ABCC6: variants seen among roughly 807,000 people sequenced by gnomAD.
The protein encoded by ABCC6 is ATP binding cassette subfamily C member 6.
A neutral mutation model predicts 169.5 loss-of-function variants in ABCC6; 126 were observed. The ratio of observed to expected loss-of-function variants is 0.74; its 90% CI spans 0.64 to 0.86. The LOEUF (loss-of-function observed/expected upper bound fraction) is 0.86. Ranked by LOEUF, ABCC6 falls within the 40% of genes least tolerant of loss-of-function variation. The pLI, the probability that ABCC6 is intolerant of heterozygous loss-of-function variation, is 0.00. For synonymous variants in ABCC6, 752 were observed against 814.7 expected, an observed-to-expected ratio of 0.92 and a Z score of 1.31; for missense variants, 1,733 against 1,927.2, an observed-to-expected ratio of 0.90 and a Z score of 1.89.
intron 9 of ABCC6, among the ~76,000 whole-genome samples, chr16:16,199,697 C>T (rs1275335593): frequency 7.7e-6 from 1 of 129,246 alleles, no homozygotes; most frequent in African/African-American, 2.6e-5. Flanking sequence ...ACTGAAAATA[C>T]AGCTGTGAAC....
In ABCC6 at chr16:16,159,480, A is replaced by C. The variant is rs2046645078; in HGVS notation, c.3735+2T>G. 2 of 1,607,860 alleles carry C rather than the reference A, an allele frequency of 1.2e-6. No homozygotes were observed. The highest frequency in any genetic ancestry group is 1.7e-5 in the Admixed American group (1 of 59,544). ...ACCCCCTCCCCACCTCCCGCCCATC[A>C]CCTCCTTGGGCGTCCAGGCATAGTC... On this transcript the variant is annotated splice_donor_variant, in intron 26 of 30. Transcript: ENST00000205557. LOFTEE classifies it high-confidence loss of function.
intron 23 of ABCC6, among the ~76,000 whole-genome samples, chr16:16,164,060 GTC>G (rs1177880962): frequency 6.6e-6 from 1 of 152,046 alleles, no homozygotes; most frequent in Non-Finnish European, 1.5e-5. Context: ...TTGAGATGGA[GTC>G]TCTCTCTGTC....
chr16:16,184,433 T>A (rs976936516), intron 15 of ABCC6, among the ~76,000 whole-genome samples: 1 of 152,088 alleles, frequency 6.6e-6, no homozygotes, highest in African/African-American at 2.4e-5. Context: ...GCGTGGCCCA[T>A]ACCTAGTGCT....
At chr16:16,209,303 C>T (rs1478627373) in intron 6 of ABCC6, among the ~76,000 whole-genome samples, 2 of 152,106 alleles carry the variant, frequency 1.3e-5, no homozygotes, top group Admixed American at 6.5e-5. Flanking sequence ...AGACTGGTCT[C>T]GAACTCCTGA....
chr16:16,210,567 T>A (rs1339141879), intron 6 of ABCC6, among the ~76,000 whole-genome samples: 1 of 152,228 alleles, frequency 6.6e-6, no homozygotes, highest in African/African-American at 2.4e-5. Context: ...ATGCTATAGA[T>A]TTTTCCTATT....
chr16:16,182,390 A>G, intron 17 of ABCC6, 22 bp downstream of exon 17: 1 of 1,612,980 alleles, frequency 6.2e-7, no homozygotes, highest in African/African-American at 1.3e-5. Flanking sequence ...TCCCTGTCCC[A>G]AAAAGACCCC....
intron 23 of ABCC6, among the ~76,000 whole-genome samples, chr16:16,165,396 G>A (rs1052320577): frequency 6.6e-6 from 1 of 152,168 alleles, no homozygotes; most frequent in Non-Finnish European, 1.5e-5. Flanking sequence ...CTTGGCAGGA[G>A]AGCAAGATTC....
At position 16,182,719 on chromosome 16, in the gene ABCC6, T is replaced by G. The variant is rs952416362; in HGVS notation, c.2070+85A>C. 1.5e-5 allele frequency: 22 copies of G among 1,469,796 alleles called. No homozygotes were observed. In the African/African-American group the frequency reaches 2.9e-4, roughly 19 times the overall value. The allele number at this position is 1,469,796 out of a possible 1,614,324, so 91.0% of individuals were successfully genotyped here. A position where few individuals can be genotyped will look rare whatever the true frequency, so the allele number is the denominator to read the frequency against. On this transcript the variant is annotated intron_variant, in intron 16 of 30. Transcript: ENST00000205557. The stretch of plus-strand genomic sequence containing the variant: ...GAGAATGAGTGAAAGTGAACTTGGC[T>G]GGGATGGGGAGGGTGGGAAGGCAGC...
intron 14 of ABCC6, 145 bp downstream of exon 14, chr16:16,186,979 C>G (rs1037074318): frequency 1.4e-6 from 1 of 719,650 alleles, no homozygotes; most frequent in Admixed American, 2.2e-5. Flanking sequence ...CCAAGTGACA[C>G]GCAGATGGCG....
At chr16:16,190,906 T>TGGGGGTG (rs1274460715) in intron 11 of ABCC6, among the ~76,000 whole-genome samples, 2 of 18,410 alleles carry the variant, frequency 1.1e-4, no homozygotes, top group African/African-American at 4.7e-4. Context: ...GGGCTTGAGA[T>TGGGGGTG]GGGGGTGGGG....
chr16:16,186,480 C>T (rs137960125), intron 14 of ABCC6, among the ~76,000 whole-genome samples: 80 of 151,952 alleles, frequency 5.3e-4, no homozygotes, highest in Non-Finnish European at 9.9e-4. Context: ...CACTCCCCAT[C>T]ACTCCCATCA....
chr16:16,157,897 T>G, intron 26 of ABCC6, 88 bp from the exon 27 acceptor site: 1 of 1,409,072 alleles, frequency 7.1e-7, no homozygotes, highest in Non-Finnish European at 9.6e-7. Context: ...CAGTTTTCTC[T>G]TCCGCAAAAT....
chr16:16,197,907 T>G, intron 10 of ABCC6, 114 bp downstream of exon 10: 1 of 1,285,426 alleles, frequency 7.8e-7, no homozygotes, highest in Non-Finnish European at 1.1e-6. Context: ...GCGGACCTCT[T>G]CCAGCCTCTT....
intron 27 of ABCC6, chr16:16,155,615 C>T (rs1385632197): frequency 1.3e-5 from 2 of 159,522 alleles, no homozygotes; most frequent in Non-Finnish European, 2.8e-5. Context: ...TTCCATTCAT[C>T]CTCCATCTTA....
At chr16:16,197,582 AG>A (rs1426846184) in intron 10 of ABCC6, among the ~76,000 whole-genome samples, 1 of 147,772 alleles carries the variant, frequency 6.8e-6, no homozygotes, top group Admixed American at 6.8e-5. Flanking sequence ...AGGAAGAAGA[AG>A]GTGGAGCAGG....
At position 16,175,986 on chromosome 16, in the gene ABCC6, T is replaced by C. The variant is rs1261007620; in HGVS notation, c.2591A>G (p.Glu864Gly). The change falls in exon 20 of 31, where the codon GAA becomes GGA. Residue 864 changes from glutamate (E) to glycine (G), a missense_variant and splice_region_variant. By Grantham distance (98) the Glu-to-Gly change is moderately conservative (BLOSUM62 -2). This residue lies in a region of ABCC6 where 1,601 missense variants were observed against 1,635.5 expected (regional missense o/e 0.98). Transcript: ENST00000205557. ...CTTGGTGCTGGTCCCAGGTTCTGTT[T>C]CTGCAAGGTCAAGAGAGTCCTGTCA... ...ARQPGDRGEGETEPGTSTKDP... is the reference protein window; with the variant it reads ...ARQPGDRGEGGTEPGTSTKDP... The C allele has an allele frequency of 1.2e-6, 2 of 1,614,066 alleles. No homozygotes were observed. The highest frequency in any genetic ancestry group is 1.7e-6 in the Non-Finnish European group (2 of 1,180,022).
At chr16:16,199,660 C>T (rs546138087) in intron 9 of ABCC6, among the ~76,000 whole-genome samples, 1 of 127,958 alleles carries the variant, frequency 7.8e-6, no homozygotes, top group South Asian at 2.4e-4. Context: ...GAAGAGTGCT[C>T]ACTGTGTGAC....
chr16:16,159,604 T>G, intron 25 of ABCC6, 21 bp from the exon 26 acceptor site: 1 of 1,612,472 alleles, frequency 6.2e-7, no homozygotes, highest in South Asian at 1.1e-5. Flanking sequence ...AAAGCCTCTC[T>G]GGCTGGGTTT....
intron 6 of ABCC6, among the ~76,000 whole-genome samples, chr16:16,210,921 C>T (rs1220089102): frequency 3.9e-5 from 6 of 152,040 alleles, no homozygotes; most frequent in Admixed American, 2.6e-4. Flanking sequence ...TGGTGAAACC[C>T]GGTCTCTACA....
Sources: gnomAD v4.1 joint callset for allele counts (sites outside exome capture counted in the v4.1 genomes callset) on GRCh38, gnomAD v4.1.1 for gene constraint, gnomAD v4.1.1 regional missense constraint, MANE v1.5 for transcripts, NCBI Gene and HGNC (gene_info 2026-07-23, HGNC 2026-07-21) for gene names.